The following COL11A2 variants were observed in gnomAD, a reference collection of about 807,000 sequenced individuals.
COL11A2 encodes collagen type XI alpha 2 chain.
COL11A2 carries 116 observed loss-of-function variants against 273.4 expected under a neutral mutation model. The ratio of observed to expected loss-of-function variants is 0.42; its 90% CI spans 0.36 to 0.49. COL11A2 has a LOEUF of 0.49. COL11A2 is among the 20% of genes least tolerant of loss of function. The pLI is 0.00. For synonymous variants in COL11A2, 782 were observed against 864.2 expected (o/e 0.90, Z 1.67); for missense variants, 1,866 against 2,309.0 (o/e 0.81, Z 3.93).
chr6:33,188,336 A>G (rs1445879534), intron 4 of COL11A2, 26 bp downstream of exon 4: 1 of 1,612,846 alleles, frequency 6.2e-7, no homozygotes, highest in Non-Finnish European at 8.5e-7. Context: ...CCAGAAGTCA[A>G]TCCTGCCTCT....
At position 33,192,384 on chromosome 6, in the gene COL11A2, G is replaced by A. The variant is rs1450288488; in HGVS notation, c.-144C>T. 3 of 799,436 alleles carry A rather than the reference G, an allele frequency of 3.8e-6. No individual in the cohort carries two copies. Among genetic ancestry groups the A allele is most frequent in the Admixed American group, 4.1e-5 (2 of 48,548 alleles). 49.5% of individuals were successfully genotyped at this position (799,436 alleles called of 1,614,324 possible). On this transcript the variant is annotated 5_prime_UTR_variant, in exon 1 of 66. Coordinates refer to ENST00000341947, the MANE Select transcript of COL11A2 (RefSeq NM_080680.3). The stretch of plus-strand genomic sequence containing the variant: ...AGGTCAGAGGCTGCGGGCAGCGACA[G>A]CTGTCAGCGGCCCAGCTCCATGCAG...
intron 5 of COL11A2, 41 bp from the exon 6 acceptor site, chr6:33,185,819 T>G (rs1772348281): frequency 3.0e-6 from 2 of 674,666 alleles, no homozygotes; most frequent in African/African-American, 1.9e-5. Context: ...GGGGATGGGG[T>G]AATTGGAAGG....
chr6:33,188,515 A>G lies in COL11A2; in HGVS notation c.453T>C (p.Arg151=), dbSNP rs147115504. Reference sequence around the variant, plus strand: ...ACTGGCCCTTCACAGCCACAGCCACACGGTGCCACCTGGAAATGGTGGAAG... The same window carrying G: ...ACTGGCCCTTCACAGCCACAGCCACGCGGTGCCACCTGGAAATGGTGGAAG... The part of the protein sequence containing the change: ...GLSLADGKWH[R]VAVAVKGQSV... Residue 151 remains arginine (R), a synonymous_variant, in exon 4 of 66, where the codon CGT becomes CGC. Coordinates refer to ENST00000341947, the MANE Select transcript of COL11A2 (RefSeq NM_080680.3). 22 of 1,613,036 alleles carry G rather than the reference A, an allele frequency of 1.4e-5. No individual in the cohort carries two copies. Among genetic ancestry groups the G allele is most frequent in the Non-Finnish European group, 1.9e-5 (22 of 1,180,010 alleles).
Position 33,172,584 on chromosome 6 carries a change from C to T in COL11A2, c.2844G>A (p.Pro948=), listed in dbSNP as rs1180347063. ...PMGERGHPGP[P]GPPGEQGLPG... is the part of the protein sequence containing the mutation. ...GTAGTCCCTGCTCTCCAGGGGGCCC[C>T]GGGGGGCCTGGGTGACCTCTCTCCC... Residue 948 remains proline, a synonymous_variant, in exon 39 of 66, where the codon CCG becomes CCA. Coordinates refer to ENST00000341947, the MANE Select transcript of COL11A2 (RefSeq NM_080680.3). The T allele has an allele frequency of 1.4e-5, 22 of 1,612,398 alleles. No individual in the cohort carries two copies. The highest frequency in any genetic ancestry group is 1.9e-5 in the Non-Finnish European group (22 of 1,179,902).
chr6:33,178,503 A>T lies in COL11A2; in HGVS notation c.1720-15T>A. The T allele has an allele frequency of 6.2e-7, 1 of 1,612,660 alleles. No homozygotes were observed. Among genetic ancestry groups the T allele is most frequent in the Non-Finnish European group, 8.5e-7 (1 of 1,179,890 alleles). On this transcript the variant is annotated splice_polypyrimidine_tract_variant and intron_variant, in intron 18 of 65. Coordinates refer to ENST00000341947, the MANE Select transcript of COL11A2 (RefSeq NM_080680.3). This position sits in a 1 kb window ranked among gnomAD's most constrained non-coding sequence, Gnocchi z 4.6. The stretch of plus-strand genomic sequence containing the variant: ...CCAGTATCACCCTGCAAAATGGGGG[A>T]ACTCATAAGAGGGGCTTCAGAGCCC...
chr6:33,176,595 C>CG lies in COL11A2; in HGVS notation c.2116-110dup, dbSNP rs534175479. 169 of 1,414,124 alleles carry CG rather than the reference C, an allele frequency of 1.2e-4. 1 individual carries two copies. In the South Asian group the frequency reaches 1.8e-3, roughly 15 times the overall value. 87.6% of individuals were successfully genotyped at this position (1,414,124 alleles called of 1,614,324 possible). A position where few individuals can be genotyped will look rare whatever the true frequency, so the allele number is the denominator to read the frequency against. ...CAACATTGCTGTCTGGGTAGGGTTACGGGGCACAGGAATTGAGAATGTGGC... is the reference window on the plus strand; with the variant it reads ...CAACATTGCTGTCTGGGTAGGGTTACGGGGGCACAGGAATTGAGAATGTGGC... On this transcript the variant is annotated intron_variant, in intron 26 of 65. Transcript: ENST00000341947. The surrounding 1 kb of genome is among the most constrained non-coding windows in gnomAD (Gnocchi z 4.9).
rs532080286 is a variant in COL11A2, at chr6:33,172,973, C to T, written c.2790+87G>A. 658 of 1,415,696 alleles carry T rather than the reference C, an allele frequency of 4.6e-4. 2 individuals are homozygous for T. In the African/African-American group the frequency reaches 5.1e-3, roughly 11 times the overall value. The allele number at this position is 1,415,696 out of a possible 1,614,324, so 87.7% of individuals were successfully genotyped here. A position where few individuals can be genotyped will look rare whatever the true frequency, so the allele number is the denominator to read the frequency against. Reference sequence around the variant, plus strand: ...CCCCAGGAGTCTGGGTCAGGTGGACCGGGGCAGGGGCGTGTGACCGAGAGA... The same window carrying T: ...CCCCAGGAGTCTGGGTCAGGTGGACTGGGGCAGGGGCGTGTGACCGAGAGA... On this transcript the variant is annotated intron_variant, in intron 38 of 65. Coordinates refer to ENST00000341947, the MANE Select transcript of COL11A2 (RefSeq NM_080680.3).
Position 33,176,933 on chromosome 6 carries a change from G to A in COL11A2, c.2070+59C>T, listed in dbSNP as rs1770983623. ...CAAGGGTCACTAAAGGAGCTCTGAG[G>A]TCATGCACTGGGGTGGAAGGCCAAG... On this transcript the variant is annotated intron_variant, in intron 25 of 65. Transcript: ENST00000341947. This position sits in a 1 kb window ranked among gnomAD's most constrained non-coding sequence, Gnocchi z 4.9. 2.7e-5 allele frequency: 42 copies of A among 1,577,364 alleles called. No homozygotes were observed. The highest frequency in any genetic ancestry group is 3.3e-5 in the Non-Finnish European group (38 of 1,157,092).
rs1313166402 is a variant in COL11A2, at chr6:33,169,961, C to CT, written c.3637-78dup. On this transcript the variant is annotated intron_variant, in intron 49 of 65. Coordinates refer to ENST00000341947, the MANE Select transcript of COL11A2 (RefSeq NM_080680.3). This position sits in a 1 kb window ranked among gnomAD's most constrained non-coding sequence, Gnocchi z 5.5. ...TCTGATATTCCCCACATCTCATTCT[C>CT]TTTTGTCTCCCCACCCAAAATTGGC... The CT allele has an allele frequency of 6.2e-7, 1 of 1,612,702 alleles. No individual in the cohort carries two copies. The highest frequency in any genetic ancestry group is 8.5e-7 in the Non-Finnish European group (1 of 1,178,880).
Position 33,166,131 on chromosome 6 carries a change from G to C in COL11A2, c.4428+40C>G. 6.2e-7 allele frequency: 1 copy of C among 1,607,802 alleles called. No homozygotes were observed. Among genetic ancestry groups the C allele is most frequent in the Non-Finnish European group, 8.5e-7 (1 of 1,177,358 alleles). ...CTGGAGAGACATCATCAAGTCCAGA[G>C]GGGGTGGAGCAAAGGTCAGAGCTGA... On this transcript the variant is annotated intron_variant, in intron 61 of 65. Transcript: ENST00000341947. The surrounding 1 kb of genome is among the most constrained non-coding windows in gnomAD (Gnocchi z 4.8).
chr6:33,173,716 C>A lies in COL11A2; in HGVS notation c.2613G>T (p.Gly871=). The change falls in exon 35 of 66, where the codon GGG becomes GGT. Residue 871 remains glycine, a synonymous_variant. Coordinates refer to ENST00000341947, the MANE Select transcript of COL11A2 (RefSeq NM_080680.3). This position sits in a 1 kb window ranked among gnomAD's most constrained non-coding sequence, Gnocchi z 6.3. ...KGTSGGDGPH[G]PPGERGLPGP... ...CCACACTCACCCTCTCTCCAGGGGG[C>A]CCATGGGGGCCATCACCACCAGATG... The A allele has an allele frequency of 6.3e-7, 1 of 1,576,144 alleles. No individual in the cohort carries two copies. The highest frequency in any genetic ancestry group is 8.6e-7 in the Non-Finnish European group (1 of 1,159,688).
Position 33,176,384 on chromosome 6 carries a change from T to G in COL11A2, c.2169+49A>C, listed in dbSNP as rs376225123. On this transcript the variant is annotated intron_variant, in intron 27 of 65. Transcript: ENST00000341947. This position sits in a 1 kb window ranked among gnomAD's most constrained non-coding sequence, Gnocchi z 4.9. ...AGGACCAAGCTCCTAAGACCCCATA[T>G]AGCTCCCCTGACCACAGCCCTTTGT... 240 of 1,606,404 alleles carry G rather than the reference T, an allele frequency of 1.5e-4. 2 individuals carry two copies. In the African/African-American group the frequency reaches 2.6e-3, roughly 17 times the overall value.
In COL11A2 at chr6:33,190,501, A is replaced by T. The variant is rs1013159798; in HGVS notation, c.83-1032T>A. Among the ~76,000 whole-genome samples, 1 of 151,730 alleles carries T rather than the reference A, an allele frequency of 6.6e-6. No individual in the cohort carries two copies. Among genetic ancestry groups the T allele is most frequent in the African/African-American group, 2.4e-5 (1 of 41,304 alleles). ...GCTCCCCTATACACATACTCTTCAC[A>T]CCATCAGCTCCAGATTGGAAAAATC... On this transcript the variant is annotated intron_variant, in intron 1 of 65. Transcript: ENST00000341947. The surrounding 1 kb of genome is among the most constrained non-coding windows in gnomAD (Gnocchi z 4.5).
rs1291530971 is a variant in COL11A2, at chr6:33,189,529, G to A, written c.83-60C>T. 7.5e-6 allele frequency: 12 copies of A among 1,601,784 alleles called. No homozygotes were observed. The highest frequency in any genetic ancestry group is 6.7e-5 in the East Asian group (3 of 44,614). On this transcript the variant is annotated intron_variant, in intron 1 of 65. Coordinates refer to ENST00000341947, the MANE Select transcript of COL11A2 (RefSeq NM_080680.3). The surrounding 1 kb of genome is among the most constrained non-coding windows in gnomAD (Gnocchi z 5.6). The stretch of plus-strand genomic sequence containing the variant: ...TGCCCTCAGGAGGGCATAAATAGGG[G>A]ACATTTGGGATCTAGAACTCAGCTT...
rs766790474 is a variant in COL11A2, at chr6:33,164,457, G to A, written c.4880C>T (p.Ser1627Leu). The change falls in exon 65 of 66, where the codon TCA becomes TTA. Residue 1627 changes from serine to leucine, a missense_variant. Ser to Leu is a moderately radical substitution (Grantham distance 145, BLOSUM62 -2). Transcript: ENST00000341947. The surrounding 1 kb of genome is among the most constrained non-coding windows in gnomAD (Gnocchi z 4.7). ...DDVTQFSYVD[S>L]EGSPVGVVQL... ...GACCACACCCACTGGGGAGCCCTCT[G>A]AGTCCACGTAAGAGAACTGGAAGGA... is the stretch of plus-strand genomic sequence containing the variant. The A allele has an allele frequency of 6.4e-7, 1 of 1,563,464 alleles. No individual in the cohort carries two copies. The highest frequency in any genetic ancestry group is 1.2e-5 in the South Asian group (1 of 85,902).
chr6:33,170,427 T>C lies in COL11A2; in HGVS notation c.3529-48A>G. The C allele has an allele frequency of 6.3e-7, 1 of 1,596,990 alleles. No homozygotes were observed. The highest frequency in any genetic ancestry group is 8.5e-7 in the Non-Finnish European group (1 of 1,170,744). On this transcript the variant is annotated intron_variant, in intron 47 of 65. Coordinates refer to ENST00000341947, the MANE Select transcript of COL11A2 (RefSeq NM_080680.3). The surrounding 1 kb of genome is among the most constrained non-coding windows in gnomAD (Gnocchi z 4.3). ...AGATGAGGAAGGGAAGTGAGATGGC[T>C]GAGCATGAATGGTGGAGAGAGGAGG...
chr6:33,168,837 C>T, intron 52 of COL11A2, 78 bp from the exon 53 acceptor site: 1 of 1,606,256 alleles, frequency 6.2e-7, no homozygotes. Context: ...TACCCCATCC[C>T]CTTGCCCACC....
In COL11A2 at chr6:33,178,343, C is replaced by A. The variant is rs377233986; in HGVS notation, c.1783G>T (p.Gly595Trp). 6.2e-7 allele frequency: 1 copy of A among 1,612,988 alleles called. No individual in the cohort carries two copies. Among genetic ancestry groups the A allele is most frequent in the South Asian group, 1.1e-5 (1 of 91,078 alleles). ...PGEDGERGDD[G>W]EIGPRGLPGE... ...GGCAGCCCTCGAGGCCCAATCTCCC[C>A]GTCATCTCCCTGGAGGAGGAGGACA... The change falls in exon 20 of 66, where the codon GGG becomes TGG. Residue 595 changes from glycine to tryptophan, a missense_variant. Physicochemically the swap from Gly to Trp is radical, Grantham distance 184. Coordinates refer to ENST00000341947, the MANE Select transcript of COL11A2 (RefSeq NM_080680.3). The surrounding 1 kb of genome is among the most constrained non-coding windows in gnomAD (Gnocchi z 4.6).
At chr6:33,193,207 A>G (rs904521724), upstream of COL11A2, among the ~76,000 whole-genome samples, 9 of 151,988 alleles carry the variant, frequency 5.9e-5, no homozygotes, top group African/African-American at 1.7e-4. Context: ...AACGCCTGAG[A>G]AGCACGCAGC....
Sources: gnomAD v4.1 joint callset for allele counts (sites outside exome capture counted in the v4.1 genomes callset) on GRCh38, gnomAD v4.1.1 for gene constraint, Gnocchi (gnomAD v3.1) non-coding constraint, MANE v1.5 for transcripts, NCBI Gene and HGNC (gene_info 2026-07-23, HGNC 2026-07-21) for gene names.